Variants in MYO18B observed in about 807,000 individuals in gnomAD.
MYO18B encodes unconventional myosin-XVIIIb.
Under a neutral mutation model 273.0 loss-of-function variants are expected in MYO18B, and 204 were observed. That is an observed-to-expected ratio of 0.75 (90% CI 0.67 to 0.84). The LOEUF (loss-of-function observed/expected upper bound fraction) is 0.84. Ranked by LOEUF, MYO18B falls within the 40% of genes least tolerant of loss-of-function variation. The pLI is 0.00. For synonymous variants in MYO18B, 1,330 were observed against 1,305.7 expected (o/e 1.02, Z -0.40); for missense variants, 3,212 against 3,287.6 (o/e 0.98, Z 0.56).
chr22:26,013,523 G>A (rs1935074322), intron 42 of MYO18B, among the ~76,000 whole-genome samples: 1 of 152,152 alleles, frequency 6.6e-6, no homozygotes, highest in Non-Finnish European at 1.5e-5. Flanking sequence ...ATCTTTTGTT[G>A]CATGAATATA....
intron 29 of MYO18B, chr22:25,900,739 T>C (rs574405658): frequency 6.6e-6 from 1 of 152,638 alleles, no homozygotes; most frequent in South Asian, 2.1e-4. Context: ...CTGGTGTTTG[T>C]AGTAGCTATT....
chr22:25,771,497 C>T (rs1401599444), intron 6 of MYO18B, among the ~76,000 whole-genome samples: 1 of 152,120 alleles, frequency 6.6e-6, no homozygotes. Context: ...ACCATAAATC[C>T]TTTTGAGGAC....
chr22:25,950,521 T>TGTGTGTATGTGTGTGTGC, intron 37 of MYO18B, 71 bp downstream of exon 37: 1 of 574,288 alleles, frequency 1.7e-6, no homozygotes, highest in Non-Finnish European at 3.0e-6. Flanking sequence ...TAATAGGATG[T>TGTGTGTATGTGTGTGTGC]GTGTGTGTGT....
chr22:26,034,923 T>C (rs531212028), downstream of MYO18B, among the ~76,000 whole-genome samples: 11 of 152,344 alleles, frequency 7.2e-5, no homozygotes, highest in East Asian at 2.1e-3. Flanking sequence ...TTGCAGGCAC[T>C]GTAGAAAAAG....
chr22:25,934,974 G>A (rs1399310596), intron 34 of MYO18B, among the ~76,000 whole-genome samples: 1 of 152,164 alleles, frequency 6.6e-6, no homozygotes, highest in Non-Finnish European at 1.5e-5. Context: ...AGGCTCGTGT[G>A]GGTGTGTGCA....
chr22:25,925,261 T>C (rs1367103646), intron 34 of MYO18B, among the ~76,000 whole-genome samples: 1 of 151,990 alleles, frequency 6.6e-6, no homozygotes, highest in Non-Finnish European at 1.5e-5. Flanking sequence ...AATCAAGTTT[T>C]GGTTGGAATT....
chr22:26,026,050 G>A (rs1294476946), intron 42 of MYO18B, among the ~76,000 whole-genome samples: 2 of 151,972 alleles, frequency 1.3e-5, no homozygotes, highest in Non-Finnish European at 2.9e-5. Context: ...TCTAGGCTTG[G>A]CCCCAAATAA....
At chr22:25,963,674 G>C (rs1045981904) in intron 39 of MYO18B, among the ~76,000 whole-genome samples, 3 of 151,306 alleles carry the variant, frequency 2.0e-5, no homozygotes, top group African/African-American at 7.3e-5. Flanking sequence ...TGGTTGAAAA[G>C]AGCATTGCGC....
chr22:26,046,139 G>A, the MYO18B span, among the ~76,000 whole-genome samples: 445 of 152,256 alleles, frequency 2.9e-3, 1 homozygote, highest in Middle Eastern at 0.014. Context: ...CAATTGTGGC[G>A]TCCCAGCAGC....
rs1316630658 is a variant in MYO18B, at chr22:25,847,444, C to A, written c.3567C>A (p.Ser1189Arg). 6.4e-7 allele frequency: 1 copy of A among 1,571,076 alleles called. No individual in the cohort carries two copies. Among genetic ancestry groups the A allele is most frequent in the Non-Finnish European group, 8.6e-7 (1 of 1,157,728 alleles). The change falls in exon 20 of 44, where the codon AGC (serine) becomes AGA (arginine). Residue 1189 changes from serine (S) to arginine (R), a missense_variant. Ser to Arg is a moderately radical substitution (Grantham distance 110). Transcript: ENST00000335473. ...QIKLQMDALT[S>R]MIKRSRLHFI... Reference sequence around the variant, plus strand: ...ATTTGGTCTAGGATGCGCTGACCAGCATGATCAAAAGGTCCCGGCTGCACT... The same window carrying A: ...ATTTGGTCTAGGATGCGCTGACCAGAATGATCAAAAGGTCCCGGCTGCACT...
At chr22:25,760,170 C>G (rs943729145) in intron 1 of MYO18B, among the ~76,000 whole-genome samples, 4 of 152,054 alleles carry the variant, frequency 2.6e-5, no homozygotes, top group African/African-American at 7.2e-5. Context: ...AATTCCAGCA[C>G]TTTGGGAGGC....
chr22:26,004,887 C>T lies in MYO18B; in HGVS notation c.6470+32C>T, dbSNP rs1029592397. 5.0e-6 allele frequency: 8 copies of T among 1,611,062 alleles called. No individual in the cohort carries two copies. The Admixed American group carries it at 1.3e-4, about 27-fold the overall frequency. On this transcript the variant is annotated intron_variant, in intron 42 of 43. Transcript: ENST00000335473. ...GTATCTCCTTGCTGCCTCTGGATGGCTAATAGCTTGAAGAATCTCAGACTT... is the reference window on the plus strand; with the variant it reads ...GTATCTCCTTGCTGCCTCTGGATGGTTAATAGCTTGAAGAATCTCAGACTT...
intron 21 of MYO18B, among the ~76,000 whole-genome samples, chr22:25,858,430 T>G (rs763360246): frequency 3.9e-5 from 6 of 152,206 alleles, no homozygotes; most frequent in African/African-American, 2.4e-5. Flanking sequence ...TAGACACAGA[T>G]TCTTCATATC....
At chr22:25,920,102 G>GT (rs2092320288) in intron 33 of MYO18B, among the ~76,000 whole-genome samples, 1 of 152,098 alleles carries the variant, frequency 6.6e-6, no homozygotes, top group Non-Finnish European at 1.5e-5. Flanking sequence ...TCAACCCCAT[G>GT]TTTTTTCTAG....
At chr22:25,800,771 C>T (rs2088158987) in intron 12 of MYO18B, among the ~76,000 whole-genome samples, 1 of 151,578 alleles carries the variant, frequency 6.6e-6, no homozygotes, top group African/African-American at 2.4e-5. Context: ...TGAGTTTCTC[C>T]TCCTGGGGCA....
chr22:25,911,155 G>A (rs866581799), intron 33 of MYO18B, 105 bp downstream of exon 33: 6 of 837,060 alleles, frequency 7.2e-6, no homozygotes, highest in Admixed American at 4.2e-5. Context: ...TCCTCCATCA[G>A]CTCTGTTCCC....
chr22:25,841,290 G>C (rs1308360751), intron 17 of MYO18B, among the ~76,000 whole-genome samples: 10 of 152,200 alleles, frequency 6.6e-5, no homozygotes, highest in African/African-American at 9.7e-5. Flanking sequence ...TGCTGGATAA[G>C]GCTCCATCTT....
chr22:25,859,664 ATC>A (rs1306956933), intron 21 of MYO18B, among the ~76,000 whole-genome samples: 1 of 151,266 alleles, frequency 6.6e-6, no homozygotes, highest in African/African-American at 2.4e-5. Flanking sequence ...TAGCCATTTT[ATC>A]TCTTTTTTTG....
At position 25,753,064 on chromosome 22, in the gene MYO18B, C is replaced by T. The variant is rs945428156; in HGVS notation, c.-109-7920C>T. Among the ~76,000 whole-genome samples the T allele has an allele frequency of 1.1e-4, 17 of 149,212 alleles. 1 individual carries two copies. The highest frequency in any genetic ancestry group is 7.4e-5 in the Non-Finnish European group (5 of 67,460). ...CGGGGCAGGGCTCAGGACCTGCAGCCTGCCATACCCGAGCCCCCCACCACT... is the reference window on the plus strand; with the variant it reads ...CGGGGCAGGGCTCAGGACCTGCAGCTTGCCATACCCGAGCCCCCCACCACT... On this transcript the variant is annotated intron_variant, in intron 1 of 43. Coordinates refer to ENST00000335473, the MANE Select transcript of MYO18B (RefSeq NM_032608.7).
Sources: allele counts gnomAD v4.1 joint callset (sites outside exome capture counted in the v4.1 genomes callset), GRCh38; gene constraint gnomAD v4.1.1; transcripts MANE v1.5; gene names NCBI Gene and HGNC (gene_info 2026-07-23, HGNC 2026-07-21).